The following CRYZL1 variants were observed in gnomAD, a reference collection of about 807,000 sequenced individuals.
CRYZL1 encodes ferry endosomal RAB5 effector complex subunit 4.
In CRYZL1, 34 loss-of-function variants were observed where a neutral mutation model predicts 50.6. The observed-to-expected ratio is 0.67, with a 90% CI of 0.51 to 0.89. The LOEUF (loss-of-function observed/expected upper bound fraction) is 0.89, where lower values mean the gene tolerates loss of function less well. CRYZL1 is among the 40% of genes least tolerant of loss of function. The pLI is 0.00. For missense variants in CRYZL1, 354 were observed against 402.3 expected (o/e 0.88, Z 1.03); for synonymous variants, 125 against 134.3 (o/e 0.93, Z 0.48).
chr21:33,616,048 A>T (rs7283010), intron 5 of CRYZL1, among the ~76,000 whole-genome samples: 8,649 of 152,098 alleles, frequency 0.057, 844 homozygotes, highest in African/African-American at 0.2. Flanking sequence ...GTCATCTAGC[A>T]TTAGGTATAT....
At chr21:33,597,512 T>C in intron 9 of CRYZL1, 111 bp from the exon 10 acceptor site, 1 of 872,506 alleles carries the variant, frequency 1.1e-6, no homozygotes, top group Non-Finnish European at 1.8e-6. Context: ...GACAAGGTCT[T>C]ACTATGTTGC....
chr21:33,590,265 C>A (rs575059010), intron 12 of CRYZL1, among the ~76,000 whole-genome samples: 140 of 152,244 alleles, frequency 9.2e-4, no homozygotes, highest in Middle Eastern at 3.4e-3. Context: ...GATCCACCCA[C>A]CTTAGCCTCC....
intron 1 of CRYZL1, among the ~76,000 whole-genome samples, chr21:33,637,023 A>C (rs1052026049): frequency 6.6e-6 from 1 of 152,112 alleles, no homozygotes; most frequent in Non-Finnish European, 1.5e-5. Flanking sequence ...AACCTCTACA[A>C]ATCATTCCTT....
chr21:33,640,971 T>A (rs1435516932), intron 1 of CRYZL1, among the ~76,000 whole-genome samples: 2 of 152,256 alleles, frequency 1.3e-5, no homozygotes, highest in African/African-American at 4.8e-5. Context: ...ATGAAACATA[T>A]AATTAAAATT....
At chr21:33,638,210 CT>C (rs569863892) in intron 1 of CRYZL1, among the ~76,000 whole-genome samples, 2,362 of 126,788 alleles carry the variant, frequency 0.019, 14 homozygotes, top group Non-Finnish European at 0.027. Context: ...GTCAGGTCTG[CT>C]TTTTTTTTTT....
At chr21:33,598,353 A>G (rs138222688) in intron 9 of CRYZL1, among the ~76,000 whole-genome samples, 1 of 152,358 alleles carries the variant, frequency 6.6e-6, no homozygotes, top group Non-Finnish European at 1.5e-5. Context: ...AGTCATAACC[A>G]TATTCATCCA....
chr21:33,607,915 C>CT (rs556466503), intron 6 of CRYZL1, among the ~76,000 whole-genome samples: 3 of 148,872 alleles, frequency 2.0e-5, no homozygotes, highest in Non-Finnish European at 3.0e-5. Flanking sequence ...AGTCATCATT[C>CT]TTTTTTTTTT....
intron 5 of CRYZL1, among the ~76,000 whole-genome samples, chr21:33,614,094 C>G (rs1192651054): frequency 6.6e-6 from 1 of 150,614 alleles, no homozygotes; most frequent in Non-Finnish European, 1.5e-5. Context: ...ATCGCTTGAA[C>G]CTGGGAGGTG....
intron 1 of CRYZL1, among the ~76,000 whole-genome samples, chr21:33,637,762 T>TAC (rs1418540186): frequency 8.9e-5 from 4 of 45,170 alleles, no homozygotes; most frequent in African/African-American, 3.6e-4. Context: ...GAGAAAAACA[T>TAC]ATATATATAT....
At chr21:33,608,152 GAAAAT>G (rs1270856907) in intron 6 of CRYZL1, among the ~76,000 whole-genome samples, 1 of 152,040 alleles carries the variant, frequency 6.6e-6, no homozygotes, top group African/African-American at 2.4e-5. Flanking sequence ...GCAAAGAACT[GAAAAT>G]AAAAACATAT....
At chr21:33,592,338 T>C (rs1024380490) in intron 11 of CRYZL1, among the ~76,000 whole-genome samples, 1 of 151,952 alleles carries the variant, frequency 6.6e-6, no homozygotes, top group East Asian at 1.9e-4. Flanking sequence ...GGTCTCCCTA[T>C]GTTGCCCGGG....
chr21:33,605,568 C>T (rs2086804122), intron 6 of CRYZL1, among the ~76,000 whole-genome samples: 2 of 49,274 alleles, frequency 4.1e-5, no homozygotes, highest in Non-Finnish European at 7.4e-5. Flanking sequence ...TGTCGCCAGG[C>T]TGGAGTGCAG....
chr21:33,628,603 C>CTTT (rs35970580), intron 2 of CRYZL1, among the ~76,000 whole-genome samples: 2 of 120,384 alleles, frequency 1.7e-5, no homozygotes, highest in Non-Finnish European at 3.4e-5. Flanking sequence ...TAATTTCTTT[C>CTTT]TTTTTTTTTT....
intron 3 of CRYZL1, 76 bp downstream of exon 3, chr21:33,624,607 G>A: frequency 6.4e-7 from 1 of 1,557,684 alleles, no homozygotes; most frequent in Non-Finnish European, 8.6e-7. Context: ...TGAGAGGTCA[G>A]TTATCGTTAT....
chr21:33,612,301 T>C (rs1272530923), intron 6 of CRYZL1, among the ~76,000 whole-genome samples: 1 of 152,044 alleles, frequency 6.6e-6, no homozygotes, highest in East Asian at 1.9e-4. Flanking sequence ...TTTTTTTTTT[T>C]TTGAGATGAA....
chr21:33,616,930 C>A, intron 4 of CRYZL1, 180 bp from the exon 5 acceptor site: 1 of 431,826 alleles, frequency 2.3e-6, no homozygotes, highest in Non-Finnish European at 4.1e-6. Flanking sequence ...GGATATACAG[C>A]ACTTCAAATC....
At chr21:33,616,818 T>C in intron 4 of CRYZL1, 68 bp from the exon 5 acceptor site, 2 of 1,319,700 alleles carry the variant, frequency 1.5e-6, no homozygotes, top group South Asian at 1.6e-5. Context: ...TCTATTAAAA[T>C]ACATTTTTAA....
intron 12 of CRYZL1, among the ~76,000 whole-genome samples, chr21:33,590,843 G>GTA (rs2145912901): frequency 6.6e-6 from 1 of 152,300 alleles, no homozygotes; most frequent in East Asian, 1.9e-4. Flanking sequence ...AAAGGGTGAG[G>GTA]TACACTACAT....
chr21:33,611,540 T>A (rs966719028), intron 6 of CRYZL1, among the ~76,000 whole-genome samples: 7 of 152,208 alleles, frequency 4.6e-5, no homozygotes, highest in African/African-American at 1.7e-4. Context: ...TGAGTAAGAT[T>A]ACTATTTTTG....
Sources: allele counts gnomAD v4.1 joint callset (sites outside exome capture counted in the v4.1 genomes callset), GRCh38; gene constraint gnomAD v4.1.1; transcripts MANE v1.5; gene names NCBI Gene and HGNC (gene_info 2026-07-23, HGNC 2026-07-21).